The following PPIL2 variants were observed in gnomAD, a reference collection of about 807,000 sequenced individuals.
The protein encoded by PPIL2 is peptidylprolyl isomerase like 2, also known as RING-type E3 ubiquitin-protein ligase PPIL2.
PPIL2 carries 50 observed loss-of-function variants against 75.2 expected under a neutral mutation model. The observed-to-expected ratio is 0.66, with a 90% confidence interval of 0.53 to 0.84. PPIL2 has a LOEUF of 0.84. Ranked by LOEUF, PPIL2 falls within the 40% of genes least tolerant of loss-of-function variation. The pLI is 0.00. For missense variants in PPIL2, 590 were observed against 685.0 expected (o/e 0.86, Z 1.55); for synonymous variants, 245 against 258.8 (o/e 0.95, Z 0.51).
rs2067118018 is a variant in PPIL2 at position 21,681,262 on chromosome 22, G to C, written c.296-37G>C. On this transcript the variant is annotated intron_variant, in intron 6 of 19. Transcript: ENST00000398831. ...CTCACTGGGATGTTCACAGCCCACAGAGGTGACTGGCCTCCCTGTGTGTGC... is the reference window on the plus strand; with the variant it reads ...CTCACTGGGATGTTCACAGCCCACACAGGTGACTGGCCTCCCTGTGTGTGC... 6 of 1,535,340 alleles carry C rather than the reference G, an allele frequency of 3.9e-6. No individual in the cohort carries two copies. In the East Asian group the frequency reaches 1.3e-4, roughly 35 times the overall value.
chr22:21,680,102 A>G (rs1601541000), intron 6 of PPIL2, among the ~76,000 whole-genome samples: 1 of 151,742 alleles, frequency 6.6e-6, no homozygotes, highest in Non-Finnish European at 1.5e-5. Context: ...AAAAAAAAAA[A>G]AAAGAAAAAG....
rs759509206 is a variant in PPIL2, at chr22:21,666,076, G to A, written c.-24G>A. ...TGTCAGCCGTTGTTTTTTCGTGCTC[G>A]CTAGTCGCCGCCGCCGCTCCGCCAT... is the stretch of plus-strand genomic sequence containing the variant. On this transcript the variant is annotated 5_prime_UTR_variant, in exon 1 of 20. Coordinates refer to ENST00000398831, the MANE Select transcript of PPIL2 (RefSeq NM_014337.4). 4 of 1,610,916 alleles carry A rather than the reference G, an allele frequency of 2.5e-6. No individual in the cohort carries two copies. Among genetic ancestry groups the A allele is most frequent in the African/African-American group, 2.7e-5 (2 of 74,790 alleles).
At chr22:21,675,033 T>G in intron 5 of PPIL2, 31 bp from the exon 6 acceptor site, 2 of 1,572,106 alleles carry the variant, frequency 1.3e-6, no homozygotes, top group South Asian at 2.2e-5. Context: ...ACTTATTCAT[T>G]ATCATTAATT....
At chr22:21,683,378 C>T (rs2067212084) in intron 9 of PPIL2, 121 bp downstream of exon 9, 2 of 809,082 alleles carry the variant, frequency 2.5e-6, no homozygotes, top group Non-Finnish European at 4.0e-6. Flanking sequence ...ACAGGCCCTG[C>T]ATTTTCTGAA....
intron 10 of PPIL2, among the ~76,000 whole-genome samples, chr22:21,685,422 G>A (rs1281106526): frequency 1.3e-5 from 2 of 152,130 alleles, no homozygotes; most frequent in African/African-American, 4.8e-5. Flanking sequence ...TGGGGCTGTC[G>A]TGTTTGCTTC....
At chr22:21,670,676 T>A (rs372201504) in intron 3 of PPIL2, 65 bp downstream of exon 3, 153 of 1,500,666 alleles carry the variant, frequency 1.0e-4, no homozygotes, top group Non-Finnish European at 1.2e-4. Flanking sequence ...ATAGTGAATC[T>A]GCCCCTTGTG....
Position 21,686,995 on chromosome 22 carries a change from C to T in PPIL2, c.894C>T (p.Asp298=), listed in dbSNP as rs372000501. 1 of 1,612,962 alleles carries T rather than the reference C, an allele frequency of 6.2e-7. No individual in the cohort carries two copies. The highest frequency in any genetic ancestry group is 8.5e-7 in the Non-Finnish European group (1 of 1,179,780). ...KGDLNLELHC[D]LTPKTCENFI... ...ACCTCAACCTGGAGCTGCACTGCGACCTGGTGGGTGTGGAGGCCAGCCACT... is the reference window on the plus strand; with the variant it reads ...ACCTCAACCTGGAGCTGCACTGCGATCTGGTGGGTGTGGAGGCCAGCCACT... Residue 298 remains aspartate (D), a synonymous_variant, in exon 12 of 20, where the codon GAC becomes GAT. Transcript: ENST00000398831.
chr22:21,690,957 C>CTTTT (rs34639269), intron 15 of PPIL2, among the ~76,000 whole-genome samples: 1,077 of 64,626 alleles, frequency 0.017, 15 homozygotes, highest in Non-Finnish European at 0.019. Flanking sequence ...GCCACCTTCT[C>CTTTT]TTTTTTTTTT....
intron 15 of PPIL2, 112 bp downstream of exon 15, chr22:21,688,961 GGT>G: frequency 9.6e-7 from 1 of 1,038,494 alleles, no homozygotes; most frequent in Non-Finnish European, 1.4e-6. Flanking sequence ...ATACCCAGAC[GGT>G]GTACGGCACA....
chr22:21,696,770 C>CCTT lies in PPIL2; in HGVS notation c.*1282_*1284dup, dbSNP rs1232945221. 6.5e-7 allele frequency: 1 copy of CCTT among 1,545,376 alleles called. No homozygotes were observed. Among genetic ancestry groups the CCTT allele is most frequent in the Admixed American group, 2.0e-5 (1 of 50,996 alleles). ...AGCAACTTGCAGGCTGTACCTCTGC[C>CCTT]CTTCCTTTTCTCATCAATCACTGAT... On this transcript the variant is annotated 3_prime_UTR_variant, in exon 20 of 20. Transcript: ENST00000398831.
intron 6 of PPIL2, among the ~76,000 whole-genome samples, chr22:21,677,099 G>A (rs550468709): frequency 7.3e-5 from 11 of 151,606 alleles, no homozygotes; most frequent in Admixed American, 3.3e-4. Context: ...TAGACAGGGC[G>A]GCTGCCGGGC....
intron 2 of PPIL2, 116 bp from the exon 3 acceptor site, chr22:21,670,450 G>C: frequency 6.7e-7 from 1 of 1,482,932 alleles, no homozygotes; most frequent in East Asian, 2.3e-5. Flanking sequence ...AGCAATTGCT[G>C]TACTTAAAAA....
intron 19 of PPIL2, 141 bp downstream of exon 19, chr22:21,695,211 C>T (rs544319680): frequency 3.0e-5 from 41 of 1,363,422 alleles, no homozygotes; most frequent in African/African-American, 2.6e-4. Context: ...CCTCTGCAGC[C>T]GAGGGACTGC....
At chr22:21,679,918 T>C (rs1038896781) in intron 6 of PPIL2, among the ~76,000 whole-genome samples, 7 of 151,140 alleles carry the variant, frequency 4.6e-5, no homozygotes, top group Non-Finnish European at 1.0e-4. Context: ...AAACCCCGTC[T>C]CTACTAAAAA....
At position 21,669,100 on chromosome 22, in the gene PPIL2, T is replaced by C. The variant is rs541900576; in HGVS notation, c.33-813T>C. Among the ~76,000 whole-genome samples, 7 of 151,020 alleles carry C rather than the reference T, an allele frequency of 4.6e-5. No homozygotes were observed. The East Asian group carries it at 1.4e-3, about 30-fold the overall frequency. ...TCCTGACCTCGTGATCTGCCCGCCT[T>C]GGCCTCCCAAAGTGCTGGGATTATA... On this transcript the variant is annotated intron_variant, in intron 1 of 19. Coordinates refer to ENST00000398831, the MANE Select transcript of PPIL2 (RefSeq NM_014337.4).
intron 15 of PPIL2, among the ~76,000 whole-genome samples, chr22:21,693,380 A>G (rs1432993324): frequency 6.6e-6 from 1 of 152,134 alleles, no homozygotes; most frequent in East Asian, 1.9e-4. Flanking sequence ...ATGTTTATTT[A>G]TGTTACCCAC....
At chr22:21,676,508 G>A (rs535411209) in intron 6 of PPIL2, among the ~76,000 whole-genome samples, 3 of 151,748 alleles carry the variant, frequency 2.0e-5, no homozygotes, top group South Asian at 4.2e-4. Flanking sequence ...AGGACCCTGC[G>A]GCCTTCTGCA....
chr22:21,675,016 A>C (rs538173294), intron 5 of PPIL2, 48 bp from the exon 6 acceptor site: 1 of 1,498,130 alleles, frequency 6.7e-7, no homozygotes, highest in Admixed American at 1.7e-5. Context: ...ATCTCTGTGC[A>C]TCAGTTACTT....
intron 4 of PPIL2, among the ~76,000 whole-genome samples, chr22:21,671,370 C>T (rs889668602): frequency 1.3e-5 from 2 of 152,238 alleles, no homozygotes; most frequent in Non-Finnish European, 2.9e-5. Flanking sequence ...AATTTTACCA[C>T]AGTCCCACTA....
Sources: gnomAD v4.1 joint callset for allele counts (sites outside exome capture counted in the v4.1 genomes callset) on GRCh38, gnomAD v4.1.1 for gene constraint, MANE v1.5 for transcripts, NCBI Gene and HGNC (gene_info 2026-07-23, HGNC 2026-07-21) for gene names.